NLN: variants seen among roughly 807,000 people sequenced by gnomAD.
The protein encoded by NLN is neurolysin.
A neutral mutation model predicts 79.9 loss-of-function variants in NLN; 64 were observed. That is an observed-to-expected ratio of 0.80 (90% CI 0.65 to 0.99). NLN has a LOEUF of 0.99. Ranked by LOEUF, NLN falls within the 50% of genes least tolerant of loss-of-function variation. The pLI is 0.00. For synonymous variants in NLN, 267 were observed against 296.6 expected (o/e 0.90, Z 1.02); for missense variants, 835 against 858.7 (o/e 0.97, Z 0.34).
intron 1 of NLN, among the ~76,000 whole-genome samples, chr5:65,753,478 A>T (rs923754060): frequency 1.3e-5 from 2 of 152,046 alleles, no homozygotes; most frequent in African/African-American, 4.8e-5. Flanking sequence ...GTGAAACCCC[A>T]TCTCTAATAA....
At chr5:65,800,339 C>T (rs111769659) in intron 9 of NLN, among the ~76,000 whole-genome samples, 1,654 of 152,242 alleles carry the variant, frequency 0.011, 22 homozygotes, top group Middle Eastern at 0.048. Context: ...TTGTAAAAAT[C>T]TGAAACAGAG....
chr5:65,730,337 A>G (rs1192217044), intron 1 of NLN, among the ~76,000 whole-genome samples: 1 of 152,186 alleles, frequency 6.6e-6, no homozygotes, highest in Admixed American at 6.5e-5. Flanking sequence ...TCTAAGAGAA[A>G]TGAGCAGTTG....
At chr5:65,762,813 T>C (rs1211706033) in intron 2 of NLN, 147 bp from the exon 3 acceptor site, 1 of 683,560 alleles carries the variant, frequency 1.5e-6, no homozygotes, top group African/African-American at 1.8e-5. Context: ...AGATGCTTTT[T>C]CTTGGTAGCC....
rs1407425123 is a variant in NLN, at chr5:65,824,761, C to A, written c.*1846C>A. ...GAGCAAAAGCACCATGGTGTTCTTT[C>A]TATTTAGGGCCTACCTCTAATATTT... On this transcript the variant is annotated 3_prime_UTR_variant, in exon 13 of 13. Transcript: ENST00000380985. 1.3e-5 allele frequency: 2 copies of A among 152,186 alleles called. No individual in the cohort carries two copies. Among genetic ancestry groups the A allele is most frequent in the African/African-American group, 2.4e-5 (1 of 41,438 alleles). The allele number at this position is 152,186 out of a possible 1,614,324, so 9.4% of individuals were successfully genotyped here. A position where few individuals can be genotyped will look rare whatever the true frequency, so the allele number is the denominator to read the frequency against.
At chr5:65,728,091 A>G (rs1382781472) in intron 1 of NLN, among the ~76,000 whole-genome samples, 2 of 152,216 alleles carry the variant, frequency 1.3e-5, no homozygotes, top group Admixed American at 6.5e-5. Flanking sequence ...TTGGTTTTTT[A>G]AAATGATGAC....
chr5:65,788,474 C>T lies in NLN; in HGVS notation c.1315C>T (p.Leu439Phe). Residue 439 changes from leucine to phenylalanine, a missense_variant, in exon 8 of 13, where the codon CTC becomes TTC. Coordinates refer to ENST00000380985, the MANE Select transcript of NLN (RefSeq NM_020726.5). ...AGTATTGGGACAGTTCTATTTGGAC[C>T]TCTATCCAAGGTACTGAGGATCACG... is the stretch of plus-strand genomic sequence containing the variant. ...GEVLGQFYLDLYPREGKYNHA... is the reference protein window; with the variant it reads ...GEVLGQFYLDFYPREGKYNHA... 7 of 1,612,938 alleles carry T rather than the reference C, an allele frequency of 4.3e-6. No individual in the cohort carries two copies. Among genetic ancestry groups the T allele is most frequent in the Non-Finnish European group, 5.9e-6 (7 of 1,179,080 alleles).
intron 6 of NLN, among the ~76,000 whole-genome samples, chr5:65,785,035 T>C (rs6866954): frequency 7.9e-5 from 12 of 152,240 alleles, no homozygotes; most frequent in African/African-American, 2.9e-4. Flanking sequence ...TTATATTCCA[T>C]TGTATATATA....
rs189543133 is a variant in NLN at position 65,760,576 on chromosome 5, A to T, written c.301+1750A>T. Among the ~76,000 whole-genome samples, 815 of 152,340 alleles carry T rather than the reference A, an allele frequency of 5.3e-3. 4 individuals carry two copies. The highest frequency in any genetic ancestry group is 8.5e-3 in the Non-Finnish European group (578 of 68,030). Reference sequence around the variant, plus strand: ...CACCCAGGCTGGAGTGCTATGGCACAATCCTAGCTCACTGCAGCCTCGAAC... The same window carrying T: ...CACCCAGGCTGGAGTGCTATGGCACTATCCTAGCTCACTGCAGCCTCGAAC... On this transcript the variant is annotated intron_variant, in intron 2 of 12. Transcript: ENST00000380985.
chr5:65,735,368 C>G (rs560018312), intron 1 of NLN, among the ~76,000 whole-genome samples: 11 of 152,284 alleles, frequency 7.2e-5, no homozygotes, highest in South Asian at 2.1e-4. Context: ...GTTGTTGAAT[C>G]TCAATATCAC....
At chr5:65,730,783 C>T (rs1403868613) in intron 1 of NLN, among the ~76,000 whole-genome samples, 1 of 152,118 alleles carries the variant, frequency 6.6e-6, no homozygotes, top group East Asian at 1.9e-4. Context: ...AACTCTTGAC[C>T]TCAAGTGACC....
At chr5:65,745,328 T>G (rs1758953276) in intron 1 of NLN, among the ~76,000 whole-genome samples, 1 of 152,178 alleles carries the variant, frequency 6.6e-6, no homozygotes, top group Non-Finnish European at 1.5e-5. Flanking sequence ...TGGTGAGAAA[T>G]TTGATGATTT....
In NLN at chr5:65,827,048, A is replaced by G. The variant is rs1760933101; in HGVS notation, c.*4133A>G. The G allele has an allele frequency of 6.6e-6, 1 of 151,978 alleles. No individual in the cohort carries two copies. Among genetic ancestry groups the G allele is most frequent in the Non-Finnish European group, 1.5e-5 (1 of 68,018 alleles). 9.4% of individuals were successfully genotyped at this position (151,978 alleles called of 1,614,324 possible). A position where few individuals can be genotyped will look rare whatever the true frequency, so the allele number is the denominator to read the frequency against. ...AACAGATCCACCTAAGTGATTATCT[A>G]GTATCAGCTGTATCAAGGCAAAAGG... On this transcript the variant is annotated 3_prime_UTR_variant, in exon 13 of 13. Coordinates refer to ENST00000380985, the MANE Select transcript of NLN (RefSeq NM_020726.5).
chr5:65,812,442 T>C, intron 12 of NLN, 51 bp downstream of exon 12: 2 of 1,249,018 alleles, frequency 1.6e-6, no homozygotes, highest in Non-Finnish European at 1.1e-6. Flanking sequence ...CTCCCTCCCC[T>C]TTAACTCCTA....
chr5:65,789,202 T>A (rs1760002709), intron 8 of NLN, among the ~76,000 whole-genome samples: 1 of 152,244 alleles, frequency 6.6e-6, no homozygotes. Flanking sequence ...GTATACAGAT[T>A]TAAAATGTGG....
intron 9 of NLN, among the ~76,000 whole-genome samples, chr5:65,794,702 A>C (rs902131031): frequency 6.6e-6 from 1 of 152,168 alleles, no homozygotes; most frequent in Non-Finnish European, 1.5e-5. Flanking sequence ...ATAGTCCAGC[A>C]GGGGGTATGA....
chr5:65,788,093 C>T (rs757835464), intron 7 of NLN, 25 bp from the exon 8 acceptor site: 3 of 1,596,426 alleles, frequency 1.9e-6, no homozygotes, highest in Non-Finnish European at 2.6e-6. Context: ...GCAAGTAGAT[C>T]ACTAACTTTT....
At chr5:65,808,435 C>G (rs963016260) in intron 9 of NLN, among the ~76,000 whole-genome samples, 2 of 152,116 alleles carry the variant, frequency 1.3e-5, no homozygotes, top group Non-Finnish European at 2.9e-5. Flanking sequence ...AAAAACAGGA[C>G]AGAGGTTCAG....
chr5:65,766,268 A>G (rs1759448228), intron 3 of NLN, among the ~76,000 whole-genome samples: 1 of 152,206 alleles, frequency 6.6e-6, no homozygotes, highest in African/African-American at 2.4e-5. Context: ...ATTTATAAAG[A>G]AAGAGGTTTA....
At chr5:65,738,986 A>AC (rs1758806922) in intron 1 of NLN, among the ~76,000 whole-genome samples, 3 of 7,360 alleles carry the variant, frequency 4.1e-4, no homozygotes, top group Non-Finnish European at 6.8e-3. Flanking sequence ...TATATTATAT[A>AC]TTTATATATA....
Sources: gnomAD v4.1 joint callset for allele counts (sites outside exome capture counted in the v4.1 genomes callset) on GRCh38, gnomAD v4.1.1 for gene constraint, MANE v1.5 for transcripts, NCBI Gene and HGNC (gene_info 2026-07-23, HGNC 2026-07-21) for gene names.